ADCY10: variants seen among roughly 807,000 people sequenced by gnomAD.
ADCY10 encodes adenylate cyclase 10, also known as adenylate cyclase type 10.
A neutral mutation model predicts 183.3 loss-of-function variants in ADCY10; 156 were observed. The observed-to-expected ratio is 0.85, with a 90% CI of 0.75 to 0.97. The LOEUF (loss-of-function observed/expected upper bound fraction) is 0.97, where lower values mean the gene tolerates loss of function less well. Ranked by LOEUF, ADCY10 falls within the 50% of genes least tolerant of loss-of-function variation. The pLI is 0.00. For synonymous variants in ADCY10, 645 were observed against 670.0 expected (o/e 0.96, Z 0.58); for missense variants, 1,745 against 1,934.3 (o/e 0.90, Z 1.84).
Position 167,823,424 on chromosome 1 carries a change from C to CA in ADCY10, c.4053-302dup, listed in dbSNP as rs34394385. On this transcript the variant is annotated intron_variant, in intron 28 of 32. Transcript: ENST00000367851. ...TGGGCAAAAGAGCGAAACTCCATCTCAAAAAAAAAAAAAAAAAAAAGCAGT... is the reference window on the plus strand; with the variant it reads ...TGGGCAAAAGAGCGAAACTCCATCTCAAAAAAAAAAAAAAAAAAAAAGCAGT... 0.18 allele frequency among the ~76,000 whole-genome samples: 7,636 copies of CA among 42,338 alleles called. 624 individuals carry two copies. The highest frequency in any genetic ancestry group is 0.39 in the East Asian group (696 of 1,794). 27.8% of individuals were successfully genotyped at this position (42,338 alleles called of 152,430 possible).
At chr1:167,853,692 T>G (rs1430136253) in intron 18 of ADCY10, among the ~76,000 whole-genome samples, 1 of 152,148 alleles carries the variant, frequency 6.6e-6, no homozygotes, top group Admixed American at 6.5e-5. Flanking sequence ...TAGCACGGGA[T>G]CTTTGTTGAT....
At position 167,823,062 on chromosome 1, in the gene ADCY10, T is replaced by C. The variant is rs941572260; in HGVS notation, c.4114A>G (p.Ile1372Val). 1.9e-6 allele frequency: 3 copies of C among 1,614,116 alleles called. No individual in the cohort carries two copies. The highest frequency in any genetic ancestry group is 3.3e-5 in the Admixed American group (2 of 60,018). Residue 1372 changes from isoleucine (I) to valine (V), a missense_variant, in exon 29 of 33, where the codon ATC becomes GTC. By Grantham distance (29) the Ile-to-Val change is conservative (BLOSUM62 3). Coordinates refer to ENST00000367851, the MANE Select transcript of ADCY10 (RefSeq NM_018417.6). ...LWELSVTQEH[I>V]FSKAFFYFVC... is the part of the protein sequence containing the mutation. ...AAATAGAAAAATGCCTTGCTGAAGA[T>C]GTGTTCCTGTGTTACAGAAAGCTCC...
rs565919515 is a variant in ADCY10, at chr1:167,841,310, G to T, written c.3008-3992C>A. On this transcript the variant is annotated intron_variant, in intron 21 of 32. Transcript: ENST00000367851. The stretch of plus-strand genomic sequence containing the variant: ...GGAAGGGCCACGCTCCTGTCTTAGG[G>T]TCACTGCATTCTCTACCCCTCTGCC... 2.0e-5 allele frequency among the ~76,000 whole-genome samples: 3 copies of T among 151,998 alleles called. No homozygotes were observed. In the East Asian group the frequency reaches 5.8e-4, roughly 29 times the overall value.
chr1:167,855,096 G>A (rs774566666), intron 17 of ADCY10, among the ~76,000 whole-genome samples: 2 of 152,126 alleles, frequency 1.3e-5, no homozygotes, highest in Non-Finnish European at 2.9e-5. Context: ...CGAGGAGGGC[G>A]GAGCATCTGA....
chr1:167,823,627 T>TA (rs1193061913), intron 28 of ADCY10, among the ~76,000 whole-genome samples: 1 of 151,994 alleles, frequency 6.6e-6, no homozygotes, highest in Non-Finnish European at 1.5e-5. Context: ...AGCTATTGAA[T>TA]AAAAAAAGCA....
At chr1:167,860,806 A>G in intron 15 of ADCY10, 65 bp downstream of exon 15, 1 of 1,350,178 alleles carries the variant, frequency 7.4e-7, no homozygotes, top group Non-Finnish European at 1.1e-6. Context: ...GTCACAATGC[A>G]CCAGAGAGGA....
intron 1 of ADCY10, among the ~76,000 whole-genome samples, chr1:167,907,920 C>T (rs1669920127): frequency 6.6e-6 from 1 of 152,184 alleles, no homozygotes; most frequent in Non-Finnish European, 1.5e-5. Flanking sequence ...CTGGTGTCAA[C>T]TCAGAGGTAA....
chr1:167,833,915 A>G (rs1201166898), intron 24 of ADCY10, 55 bp downstream of exon 24: 20 of 1,378,118 alleles, frequency 1.5e-5, no homozygotes, highest in South Asian at 9.5e-5. Flanking sequence ...TTCTACTTCT[A>G]TGGAAAGGCC....
chr1:167,910,043 A>G (rs546644756), intron 1 of ADCY10, among the ~76,000 whole-genome samples: 1 of 152,276 alleles, frequency 6.6e-6, no homozygotes, highest in Non-Finnish European at 1.5e-5. Flanking sequence ...CACAGCTCTA[A>G]GCCCTTAAAA....
chr1:167,831,671 A>G (rs1384617482), intron 25 of ADCY10, among the ~76,000 whole-genome samples: 1 of 152,190 alleles, frequency 6.6e-6, no homozygotes, highest in African/African-American at 2.4e-5. Flanking sequence ...TTGTGCAGGT[A>G]CTTCTTACTC....
chr1:167,870,324 A>C lies in ADCY10; in HGVS notation c.1549T>G (p.Leu517Val), dbSNP rs754938007. ...NSSQVLMYEG[L>V]PGYGKSQILM... ...ATCTGGCTTTTTCCATATCCTGGTA[A>C]TCCCTCATACATTAAGACTTGGCTG... The change falls in exon 14 of 33, where the codon TTA becomes GTA. Residue 517 changes from leucine (L) to valine (V), a missense_variant. Leu to Val is a conservative substitution (Grantham distance 32). Transcript: ENST00000367851. 2 of 1,614,008 alleles carry C rather than the reference A, an allele frequency of 1.2e-6. No homozygotes were observed. The highest frequency in any genetic ancestry group is 1.7e-6 in the Non-Finnish European group (2 of 1,179,966).
intron 26 of ADCY10, among the ~76,000 whole-genome samples, chr1:167,828,945 G>A (rs1663509274): frequency 6.6e-6 from 1 of 152,136 alleles, no homozygotes; most frequent in Admixed American, 6.5e-5. Flanking sequence ...CTGGGTGACA[G>A]AGCAAGACTC....
intron 3 of ADCY10, among the ~76,000 whole-genome samples, chr1:167,902,779 C>T (rs35514383): frequency 0.16 from 24,639 of 152,206 alleles, 2,299 homozygotes; most frequent in Middle Eastern, 0.23. Flanking sequence ...TTTGAATTAA[C>T]AATGCAAACA....
rs1668011750 is a variant in ADCY10 at position 167,883,510 on chromosome 1, T to A, written c.947A>T (p.Asp316Val). 6.2e-7 allele frequency: 1 copy of A among 1,614,138 alleles called. No homozygotes were observed. Among genetic ancestry groups the A allele is most frequent in the Non-Finnish European group, 8.5e-7 (1 of 1,180,054 alleles). ...GACAGAAGTGATGTGCATATAGGCATCCTGGATGGCTGGGCCTATCTCTTC... is the reference window on the plus strand; with the variant it reads ...GACAGAAGTGATGTGCATATAGGCAACCTGGATGGCTGGGCCTATCTCTTC... ...KAEEIGPAIQDAYMHITSVLK... is the reference protein window; with the variant it reads ...KAEEIGPAIQVAYMHITSVLK... Residue 316 changes from aspartate (D) to valine (V), a missense_variant, in exon 9 of 33, where the codon GAT becomes GTT. Coordinates refer to ENST00000367851, the MANE Select transcript of ADCY10 (RefSeq NM_018417.6).
chr1:167,864,442 A>C (rs938629234), intron 14 of ADCY10, among the ~76,000 whole-genome samples: 8 of 152,178 alleles, frequency 5.3e-5, no homozygotes, highest in African/African-American at 1.9e-4. Context: ...TTTCAAATGT[A>C]TGGCACAAGG....
chr1:167,880,452 G>T, intron 10 of ADCY10, 39 bp downstream of exon 10: 2 of 1,462,174 alleles, frequency 1.4e-6, no homozygotes, highest in Non-Finnish European at 1.9e-6. Context: ...GCCTCAAAAG[G>T]GTCAGGGACC....
intron 30 of ADCY10, chr1:167,820,035 G>C: frequency 6.3e-7 from 1 of 1,577,502 alleles, no homozygotes; most frequent in South Asian, 1.1e-5. Flanking sequence ...ATGACTCCCA[G>C]TTCTACGTTT....
intron 8 of ADCY10, among the ~76,000 whole-genome samples, chr1:167,889,946 T>G (rs868518862): frequency 2.6e-5 from 4 of 152,344 alleles, no homozygotes; most frequent in Middle Eastern, 6.8e-3. Flanking sequence ...TTAACATGGC[T>G]GAAAGTTTCT....
chr1:167,830,382 CA>C (rs201698835), intron 25 of ADCY10, among the ~76,000 whole-genome samples: 1,294 of 95,364 alleles, frequency 0.014, 16 homozygotes, highest in East Asian at 0.036. Flanking sequence ...TTTTAGTTTA[CA>C]AAAAAAAAAA....
Sources: gnomAD v4.1 joint callset for allele counts (sites outside exome capture counted in the v4.1 genomes callset) on GRCh38, gnomAD v4.1.1 for gene constraint, MANE v1.5 for transcripts, NCBI Gene and HGNC (gene_info 2026-07-23, HGNC 2026-07-21) for gene names.